Variants in PHF20 observed in about 807,000 individuals in gnomAD.
PHF20 encodes PHD finger protein 20.
A neutral mutation model predicts 113.5 loss-of-function variants in PHF20; 23 were observed. The ratio of observed to expected loss-of-function variants is 0.20; its 90% CI spans 0.15 to 0.29. The LOEUF (loss-of-function observed/expected upper bound fraction) is 0.29. PHF20 is among the 10% of genes least tolerant of loss of function. The pLI is 1.00. For missense variants in PHF20, 943 were observed against 1,219.6 expected (o/e 0.77, Z 3.38); for synonymous variants, 434 against 457.3 (o/e 0.95, Z 0.65).
chr20:35,927,976 A>T lies in PHF20; in HGVS notation c.2104+97A>T, dbSNP rs1459139505. ...CTAAATGTCTGCGGTCTTGAGACTC[A>T]TTTCTTCAGCATCGGCTAGACTCCA... On this transcript the variant is annotated intron_variant, in intron 14 of 17. Transcript: ENST00000374012. 8.1e-6 allele frequency: 7 copies of T among 864,124 alleles called. No individual in the cohort carries two copies. In the Admixed American group the frequency reaches 1.1e-4, roughly 13 times the overall value. The allele number at this position is 864,124 out of a possible 1,614,324, so 53.5% of individuals were successfully genotyped here.
At chr20:35,917,021 C>T (rs975599476) in intron 12 of PHF20, among the ~76,000 whole-genome samples, 1 of 152,148 alleles carries the variant, frequency 6.6e-6, no homozygotes, top group African/African-American at 2.4e-5. Context: ...CCTTCGGCCT[C>T]CCAAAATGCT....
At chr20:35,874,353 C>T (rs532837837) in intron 9 of PHF20, among the ~76,000 whole-genome samples, 5 of 152,320 alleles carry the variant, frequency 3.3e-5, no homozygotes, top group South Asian at 4.1e-4. Context: ...AGGCAAAAAG[C>T]GACAGTCATA....
chr20:35,846,184 T>TG (rs1424130656), intron 3 of PHF20, among the ~76,000 whole-genome samples: 1 of 148,180 alleles, frequency 6.7e-6, no homozygotes, highest in African/African-American at 2.4e-5. Context: ...TTCTACAAAT[T>TG]TTTTTTTTTT....
chr20:35,886,396 G>T (rs2054733304), intron 9 of PHF20, among the ~76,000 whole-genome samples: 1 of 152,084 alleles, frequency 6.6e-6, no homozygotes, highest in Non-Finnish European at 1.5e-5. Context: ...AAAGTGTTGG[G>T]ATTACAGGTG....
chr20:35,879,538 C>T (rs58039765), intron 9 of PHF20, among the ~76,000 whole-genome samples: 7,396 of 152,100 alleles, frequency 0.049, 231 homozygotes, highest in African/African-American at 0.099. Flanking sequence ...AAATTACCTA[C>T]AGTAGTTTTG....
At chr20:35,893,588 G>T (rs1050325851) in intron 9 of PHF20, among the ~76,000 whole-genome samples, 6 of 152,096 alleles carry the variant, frequency 3.9e-5, no homozygotes, top group African/African-American at 1.2e-4. Flanking sequence ...ACAGGCATGA[G>T]CCACCACTCC....
intron 9 of PHF20, among the ~76,000 whole-genome samples, chr20:35,898,240 C>G (rs1021756903): frequency 6.6e-6 from 1 of 152,170 alleles, no homozygotes; most frequent in Non-Finnish European, 1.5e-5. Flanking sequence ...ATCTCAAAGA[C>G]TCAATACTAA....
At chr20:35,803,207 G>A (rs563916211) in intron 2 of PHF20, among the ~76,000 whole-genome samples, 25 of 149,264 alleles carry the variant, frequency 1.7e-4, no homozygotes, top group Non-Finnish European at 3.6e-4. Context: ...AGCCAAGATC[G>A]CGCCACTGCA....
Position 35,914,107 on chromosome 20 carries a change from T to C in PHF20, c.1735T>C (p.Cys579Arg). The C allele has an allele frequency of 6.2e-7, 1 of 1,614,172 alleles. No individual in the cohort carries two copies. Among genetic ancestry groups the C allele is most frequent in the Non-Finnish European group, 8.5e-7 (1 of 1,180,030 alleles). The change falls in exon 12 of 18, where the codon TGT (cysteine) becomes CGT (arginine). Residue 579 changes from cysteine (C) to arginine (R), a missense_variant. Cys to Arg is a radical substitution (Grantham distance 180). Coordinates refer to ENST00000374012, the MANE Select transcript of PHF20 (RefSeq NM_016436.5). ...SPPKAFAVTRCGSSHKPGVHM... is the reference protein window; with the variant it reads ...SPPKAFAVTRRGSSHKPGVHM... ...ACCCAAGGCATTTGCTGTTACCAGG[T>C]GTGGGTCCTCACACAAGCCAGGGGT...
rs1261051056 is a variant in PHF20 at position 35,917,677 on chromosome 20, C to T, written c.2004+15C>T. ...TCATGATTCAGGTAGGCAGAGCTTC[C>T]AGGAAACAGGTCTAGAGAAGCACAA... On this transcript the variant is annotated intron_variant, in intron 13 of 17. Transcript: ENST00000374012. The T allele has an allele frequency of 6.2e-7, 1 of 1,608,076 alleles. No individual in the cohort carries two copies.
chr20:35,910,088 A>G (rs1235689047), intron 10 of PHF20, among the ~76,000 whole-genome samples: 1 of 152,242 alleles, frequency 6.6e-6, no homozygotes, highest in African/African-American at 2.4e-5. Flanking sequence ...TCTTGATTCC[A>G]TATCAGAATC....
At chr20:35,794,017 A>G (rs6060607) in intron 1 of PHF20, among the ~76,000 whole-genome samples, 1 of 140,670 alleles carries the variant, frequency 7.1e-6, no homozygotes, top group African/African-American at 2.7e-5. Flanking sequence ...AAAAAAAAAA[A>G]GGCCAGGCGC....
At chr20:35,866,263 A>C (rs1432686255) in intron 6 of PHF20, among the ~76,000 whole-genome samples, 1 of 152,154 alleles carries the variant, frequency 6.6e-6, no homozygotes, top group Non-Finnish European at 1.5e-5. Context: ...TTGCACTCTT[A>C]GTATATTTCT....
At chr20:35,824,011 G>T (rs1600787056) in intron 2 of PHF20, among the ~76,000 whole-genome samples, 1 of 152,130 alleles carries the variant, frequency 6.6e-6, no homozygotes, top group East Asian at 1.9e-4. Flanking sequence ...TTCCAGTTTT[G>T]GGTTAATATG....
chr20:35,895,681 C>CTTTTTT (rs762279629), intron 9 of PHF20, among the ~76,000 whole-genome samples: 10 of 116,768 alleles, frequency 8.6e-5, no homozygotes, highest in African/African-American at 1.4e-4. Flanking sequence ...TTTGCTTCTC[C>CTTTTTT]TTTTTTTTTT....
intron 5 of PHF20, among the ~76,000 whole-genome samples, chr20:35,860,894 C>G (rs966657528): frequency 6.6e-6 from 1 of 152,190 alleles, no homozygotes; most frequent in Admixed American, 6.5e-5. Context: ...CTGCGATACT[C>G]AGTAAATTGA....
chr20:35,818,918 C>T (rs1319525466), intron 2 of PHF20, among the ~76,000 whole-genome samples: 4 of 151,386 alleles, frequency 2.6e-5, no homozygotes, highest in Non-Finnish European at 5.9e-5. Flanking sequence ...GTAATCCTGC[C>T]TTCCCTGTTT....
intron 10 of PHF20, among the ~76,000 whole-genome samples, chr20:35,900,086 A>G (rs2055066550): frequency 6.6e-6 from 1 of 152,228 alleles, no homozygotes; most frequent in African/African-American, 2.4e-5. Flanking sequence ...ATCCTGTTTC[A>G]TCTTAAGTGC....
At chr20:35,852,728 A>G (rs1305949838) in intron 4 of PHF20, among the ~76,000 whole-genome samples, 1 of 151,278 alleles carries the variant, frequency 6.6e-6, no homozygotes, top group Non-Finnish European at 1.5e-5. Flanking sequence ...CCTCCCGAGT[A>G]GCTGGGATTA....
Sources: gnomAD v4.1 joint callset for allele counts (sites outside exome capture counted in the v4.1 genomes callset) on GRCh38, gnomAD v4.1.1 for gene constraint, MANE v1.5 for transcripts, NCBI Gene and HGNC (gene_info 2026-07-23, HGNC 2026-07-21) for gene names.